The following CLPB variants were observed in gnomAD, a reference collection of about 807,000 sequenced individuals.
CLPB encodes the protein mitochondrial disaggregase.
In CLPB, 40 loss-of-function variants were observed where a neutral mutation model predicts 78.4. The ratio of observed to expected loss-of-function variants is 0.51; its 90% CI spans 0.40 to 0.66. The LOEUF (loss-of-function observed/expected upper bound fraction) is 0.66, where lower values mean the gene tolerates loss of function less well. CLPB is among the 30% of genes least tolerant of loss of function. CLPB has a pLI of 0.00. For synonymous variants in CLPB, 333 were observed against 348.0 expected (o/e 0.96, Z 0.48); for missense variants, 780 against 886.9 (o/e 0.88, Z 1.53).
intron 4 of CLPB, among the ~76,000 whole-genome samples, chr11:72,371,647 G>A (rs1395682809): frequency 6.6e-6 from 1 of 152,112 alleles, no homozygotes; most frequent in African/African-American, 2.4e-5. Flanking sequence ...GAACACCTGG[G>A]CTCAAGCAGT....
chr11:72,358,731 G>A, intron 5 of CLPB, 149 bp downstream of exon 5: 1 of 695,858 alleles, frequency 1.4e-6, no homozygotes, highest in Non-Finnish European at 2.4e-6. Context: ...AGGATAACAG[G>A]GCTCTGGGGA....
intron 6 of CLPB, among the ~76,000 whole-genome samples, chr11:72,321,951 G>C (rs573575743): frequency 6.6e-6 from 1 of 151,516 alleles, no homozygotes; most frequent in Non-Finnish European, 1.5e-5. Flanking sequence ...GGAACAAGGG[G>C]GTAACAGATG....
chr11:72,374,944 C>T (rs1167445900), intron 4 of CLPB, among the ~76,000 whole-genome samples: 1 of 152,168 alleles, frequency 6.6e-6, no homozygotes, highest in African/African-American at 2.4e-5. Flanking sequence ...TGCCAAACTA[C>T]TCCTTTGAGC....
intron 5 of CLPB, among the ~76,000 whole-genome samples, chr11:72,336,154 G>A (rs1290311665): frequency 1.3e-5 from 2 of 152,048 alleles, no homozygotes; most frequent in African/African-American, 2.4e-5. Flanking sequence ...GAGGAGGCTT[G>A]TCACTCCCTC....
intron 3 of CLPB, among the ~76,000 whole-genome samples, chr11:72,399,358 C>T (rs1000746086): frequency 3.3e-5 from 5 of 152,150 alleles, no homozygotes; most frequent in African/African-American, 4.8e-5. Context: ...AATTATCTTT[C>T]CTTTAACCAA....
intron 4 of CLPB, among the ~76,000 whole-genome samples, chr11:72,372,064 AG>A (rs1312986081): frequency 1.3e-5 from 2 of 152,256 alleles, no homozygotes; most frequent in African/African-American, 4.8e-5. Flanking sequence ...CCTATGGTGT[AG>A]GAAATATTAT....
At chr11:72,389,950 T>C (rs895906417) in intron 3 of CLPB, among the ~76,000 whole-genome samples, 2 of 152,140 alleles carry the variant, frequency 1.3e-5, no homozygotes, top group African/African-American at 4.8e-5. Context: ...TGGCCTCTCA[T>C]GGTAGTACAA....
At chr11:72,420,475 C>T (rs1856160875) in intron 2 of CLPB, among the ~76,000 whole-genome samples, 1 of 151,340 alleles carries the variant, frequency 6.6e-6, no homozygotes, top group African/African-American at 2.4e-5. Flanking sequence ...GCCTGGGCAA[C>T]AGAGCAAGAC....
rs897694370 is a variant in CLPB, at chr11:72,288,640, A to G, written c.*4727T>C. 1 of 152,310 alleles carries G rather than the reference A, an allele frequency of 6.6e-6. No homozygotes were observed. Among genetic ancestry groups the G allele is most frequent in the Non-Finnish European group, 1.5e-5 (1 of 68,106 alleles). The allele number at this position is 152,310 out of a possible 1,614,324, so 9.4% of individuals were successfully genotyped here. ...TCCAGAGCCCACTGAGAAGATCTGC[A>G]CTTGCTGCAGGTCCCATCCACTCAC... On this transcript the variant is annotated 3_prime_UTR_variant, in exon 16 of 16. Transcript: ENST00000538039.
intron 2 of CLPB, among the ~76,000 whole-genome samples, chr11:72,409,225 A>T (rs1855802863): frequency 6.6e-6 from 1 of 152,128 alleles, no homozygotes; most frequent in African/African-American, 2.4e-5. Flanking sequence ...TTGGCAGGGC[A>T]GCAGTAGGTG....
intron 3 of CLPB, among the ~76,000 whole-genome samples, chr11:72,399,199 C>T (rs1177810121): frequency 6.6e-6 from 1 of 151,792 alleles, no homozygotes; most frequent in East Asian, 1.9e-4. Flanking sequence ...ACAGCATGGT[C>T]CCATTCATGT....
rs536495429 is a variant in CLPB at position 72,392,085 on chromosome 11, C to T, written c.542+10881G>A. On this transcript the variant is annotated intron_variant, in intron 3 of 15. Coordinates refer to ENST00000538039, the MANE Select transcript of CLPB (RefSeq NM_001258392.3). Reference sequence around the variant, plus strand: ...TGTTGGGCCAGGCGCGTGTCAAAGACGGCTGGCGAGCAGCTGGAGTTGGTG... The same window carrying T: ...TGTTGGGCCAGGCGCGTGTCAAAGATGGCTGGCGAGCAGCTGGAGTTGGTG... Among the ~76,000 whole-genome samples, 12 of 152,072 alleles carry T rather than the reference C, an allele frequency of 7.9e-5. 1 individual carries two copies. Among genetic ancestry groups the T allele is most frequent in the African/African-American group, 1.7e-4 (7 of 41,478 alleles).
Position 72,434,272 on chromosome 11 carries a change from G to A in CLPB, c.203C>T (p.Ala68Val), listed in dbSNP as rs746191886. 1 of 1,612,894 alleles carries A rather than the reference G, an allele frequency of 6.2e-7. No homozygotes were observed. Among genetic ancestry groups the A allele is most frequent in the South Asian group, 1.1e-5 (1 of 91,050 alleles). Residue 68 changes from alanine to valine, a missense_variant, in exon 1 of 16, where the codon GCA becomes GTA. Coordinates refer to ENST00000538039, the MANE Select transcript of CLPB (RefSeq NM_001258392.3). ...TSPALFSGRGAATGGRQGGRF... is the reference protein window; with the variant it reads ...TSPALFSGRGVATGGRQGGRF... The stretch of plus-strand genomic sequence containing the variant: ...TCCTCCCTGGCGCCCCCCGGTGGCT[G>A]CCCCACGTCCGGAGAACAAGGCCGG...
intron 4 of CLPB, among the ~76,000 whole-genome samples, chr11:72,364,789 G>A (rs1950911232): frequency 6.6e-6 from 1 of 152,090 alleles, no homozygotes; most frequent in Non-Finnish European, 1.5e-5. Context: ...CATGGGGGCT[G>A]GAGTCAGCAA....
intron 11 of CLPB, 74 bp from the exon 12 acceptor site, chr11:72,295,722 A>C (rs1590755460): frequency 6.7e-7 from 1 of 1,486,888 alleles, no homozygotes; most frequent in Non-Finnish European, 9.2e-7. Context: ...CTCAGTTCTC[A>C]CCTCCTTCAG....
At chr11:72,398,705 C>T (rs1780931702) in intron 3 of CLPB, among the ~76,000 whole-genome samples, 1 of 152,202 alleles carries the variant, frequency 6.6e-6, no homozygotes, top group Non-Finnish European at 1.5e-5. Flanking sequence ...GAATGAGACA[C>T]CCAGACTCAG....
At chr11:72,376,461 G>C (rs1423964577) in intron 4 of CLPB, among the ~76,000 whole-genome samples, 1 of 151,712 alleles carries the variant, frequency 6.6e-6, no homozygotes, top group Non-Finnish European at 1.5e-5. Context: ...AACGTTCAGT[G>C]CACCAAGTTG....
intron 3 of CLPB, among the ~76,000 whole-genome samples, chr11:72,395,942 C>T (rs966046456): frequency 1.3e-5 from 2 of 152,180 alleles, no homozygotes; most frequent in African/African-American, 2.4e-5. Context: ...TTGGGGTCCA[C>T]AAAGGAAGGC....
At chr11:72,392,460 T>G (rs886177960) in intron 3 of CLPB, among the ~76,000 whole-genome samples, 1 of 152,132 alleles carries the variant, frequency 6.6e-6, no homozygotes, top group Non-Finnish European at 1.5e-5. Flanking sequence ...CATGGGGACA[T>G]GAGCTGAGAG....
Sources: gnomAD v4.1 joint callset for allele counts (sites outside exome capture counted in the v4.1 genomes callset) on GRCh38, gnomAD v4.1.1 for gene constraint, MANE v1.5 for transcripts, NCBI Gene and HGNC (gene_info 2026-07-23, HGNC 2026-07-21) for gene names.